Variants in PLEKHM2 observed in about 807,000 individuals in gnomAD.
PLEKHM2 encodes the protein pleckstrin homology domain-containing family M member 2.
A neutral mutation model predicts 116.3 loss-of-function variants in PLEKHM2; 77 were observed. That is an observed-to-expected ratio of 0.66 (90% confidence interval 0.55 to 0.80). The LOEUF (loss-of-function observed/expected upper bound fraction) is 0.80, where lower values mean the gene tolerates loss of function less well. PLEKHM2 is among the 30% of genes least tolerant of loss of function. The pLI, the probability that PLEKHM2 is intolerant of heterozygous loss-of-function variation, is 0.00. For missense variants in PLEKHM2, 1,183 were observed against 1,354.9 expected (o/e 0.87, Z 1.99); for synonymous variants, 562 against 571.0 (o/e 0.98, Z 0.22).
intron 7 of PLEKHM2, among the ~76,000 whole-genome samples, chr1:15,723,612 C>T (rs1313671518): frequency 5.3e-5 from 8 of 151,970 alleles, no homozygotes; most frequent in Admixed American, 6.6e-5. Context: ...TGGTGGTGCA[C>T]GCCTATAGTC....
chr1:15,730,309 A>G (rs955094280), intron 14 of PLEKHM2, among the ~76,000 whole-genome samples: 2 of 152,146 alleles, frequency 1.3e-5, no homozygotes, highest in African/African-American at 4.8e-5. Flanking sequence ...AGGCGTGGTG[A>G]TGGGCGCCTG....
intron 1 of PLEKHM2, among the ~76,000 whole-genome samples, chr1:15,695,487 G>A (rs924506241): frequency 6.6e-6 from 1 of 152,172 alleles, no homozygotes; most frequent in Non-Finnish European, 1.5e-5. Flanking sequence ...TCCTGGGTCA[G>A]TGGCCCATGA....
chr1:15,694,565 A>G (rs1158293975), intron 1 of PLEKHM2, among the ~76,000 whole-genome samples: 2 of 151,990 alleles, frequency 1.3e-5, no homozygotes, highest in East Asian at 3.9e-4. Flanking sequence ...AACATCCTAG[A>G]ACTTCCATTT....
chr1:15,706,392 A>G (rs1470218966), intron 1 of PLEKHM2, among the ~76,000 whole-genome samples: 4 of 151,414 alleles, frequency 2.6e-5, no homozygotes, highest in African/African-American at 9.8e-5. Flanking sequence ...TTGGCTCCTT[A>G]TTTGTTTGTT....
chr1:15,702,606 TG>T (rs1641137309), intron 1 of PLEKHM2, among the ~76,000 whole-genome samples: 1 of 148,400 alleles, frequency 6.7e-6, no homozygotes, highest in Non-Finnish European at 1.5e-5. Context: ...TTAGTAGAGA[TG>T]GGGTTTCATC....
chr1:15,684,164 T>A (rs1437117316), upstream of PLEKHM2: 1 of 133,518 alleles, frequency 7.5e-6, no homozygotes, highest in Non-Finnish European at 1.6e-5. Flanking sequence ...GGAGAGTCTG[T>A]GACTTGAGGA....
Position 15,730,632 on chromosome 1 carries a change from G to A in PLEKHM2, c.2309G>A (p.Gly770Asp). 1 of 1,609,250 alleles carries A rather than the reference G, an allele frequency of 6.2e-7. No individual in the cohort carries two copies. Among genetic ancestry groups the A allele is most frequent in the South Asian group, 1.1e-5 (1 of 89,960 alleles). Residue 770 changes from glycine to aspartate, a missense_variant, in exon 15 of 20, where the codon GGC (glycine) becomes GAC (aspartate). This residue lies in a region of PLEKHM2 where 594 missense variants were observed against 720.1 expected (regional missense o/e 0.82). Transcript: ENST00000375799. ...CCCTGCCACTGCTCACCCCCCGAGGGCACCATCACCAAAGAAGGCATGCTG... is the reference window on the plus strand; with the variant it reads ...CCCTGCCACTGCTCACCCCCCGAGGACACCATCACCAAAGAAGGCATGCTG... Reference protein sequence around the residue: ...PTPCHCSPPEGTITKEGMLHY... With the variant: ...PTPCHCSPPEDTITKEGMLHY...
rs764035629 is a variant in PLEKHM2, at chr1:15,728,131, G to A, written c.1813G>A (p.Glu605Lys). 1.9e-6 allele frequency: 3 copies of A among 1,611,218 alleles called. No individual in the cohort carries two copies. Among genetic ancestry groups the A allele is most frequent in the Admixed American group, 3.4e-5 (2 of 59,584 alleles). ...LLMIHVFREN[E>K]EQLFKMIRMS... Reference sequence around the variant, plus strand: ...CATGATCCACGTGTTCCGAGAAAACGAAGAGCAGCTGTTCAAAGTAAGTCC... The same window carrying A: ...CATGATCCACGTGTTCCGAGAAAACAAAGAGCAGCTGTTCAAAGTAAGTCC... The change falls in exon 10 of 20, where the codon GAA (glutamate) becomes AAA (lysine). Residue 605 changes from glutamate (E) to lysine (K), a missense_variant. Transcript: ENST00000375799. This position sits in a 1 kb window ranked among gnomAD's most constrained non-coding sequence, Gnocchi z 5.9.
At chr1:15,693,466 C>G (rs564583679) in intron 1 of PLEKHM2, among the ~76,000 whole-genome samples, 1 of 152,230 alleles carries the variant, frequency 6.6e-6, no homozygotes, top group African/African-American at 2.4e-5. Context: ...AACCTGGGCT[C>G]GCTCTCTCCA....
chr1:15,707,358 G>A (rs72879500), intron 1 of PLEKHM2, among the ~76,000 whole-genome samples: 14,575 of 151,998 alleles, frequency 0.096, 943 homozygotes, highest in African/African-American at 0.18. Flanking sequence ...ACCTGAGCCC[G>A]GTAGGTTGAG....
chr1:15,687,004 T>C (rs1571013716), intron 1 of PLEKHM2, among the ~76,000 whole-genome samples: 1 of 151,968 alleles, frequency 6.6e-6, no homozygotes, highest in Non-Finnish European at 1.5e-5. Context: ...GCCAGGCTGG[T>C]CTTGAACTCC....
At chr1:15,716,627 G>A (rs946179859) in intron 2 of PLEKHM2, 80 bp from the exon 3 acceptor site, 15 of 1,427,812 alleles carry the variant, frequency 1.1e-5, no homozygotes, top group Admixed American at 7.9e-5. Context: ...CCTGCCTTGC[G>A]CTCACTGCTG....
At chr1:15,682,643 C>CA (rs1420159690), upstream of PLEKHM2, among the ~76,000 whole-genome samples, 6 of 97,476 alleles carry the variant, frequency 6.2e-5, no homozygotes, top group East Asian at 6.0e-4. Flanking sequence ...CAAAACAAAA[C>CA]AAAAAAAACA....
chr1:15,685,557 A>AAAAAAAAAAAAAAAAAAG (rs1553157089), intron 1 of PLEKHM2, among the ~76,000 whole-genome samples: 2 of 147,952 alleles, frequency 1.4e-5, no homozygotes, highest in African/African-American at 5.2e-5. Flanking sequence ...AAAAAAAAAA[A>AAAAAAAAAAAAAAAAAAG]AAAGAAAGAA....
intron 1 of PLEKHM2, among the ~76,000 whole-genome samples, chr1:15,687,901 G>A (rs544670636): frequency 3.3e-5 from 5 of 152,260 alleles, no homozygotes; most frequent in East Asian, 1.9e-4. Flanking sequence ...AGGATTTTAC[G>A]TGAAGAAAAT....
chr1:15,700,744 T>C (rs1434104515), intron 1 of PLEKHM2, among the ~76,000 whole-genome samples: 1 of 152,170 alleles, frequency 6.6e-6, no homozygotes, highest in Non-Finnish European at 1.5e-5. Context: ...CACCCAGCCT[T>C]GTCTTAGATC....
chr1:15,728,698 G>A lies in PLEKHM2; in HGVS notation c.1951G>A (p.Glu651Lys), dbSNP rs1473277513. ...CACAGAGAAGCCATACCTGGTGGAA[G>A]AGGCCGTTTCTTACAATGAACTTGA... ...GATEKPYLVE[E>K]AVSYNELDYV... The change falls in exon 12 of 20, where the codon GAG becomes AAG. Residue 651 changes from glutamate (E) to lysine (K), a missense_variant. By Grantham distance (56) the Glu-to-Lys change is moderately conservative. Coordinates refer to ENST00000375799, the MANE Select transcript of PLEKHM2 (RefSeq NM_015164.4). The surrounding 1 kb of genome is among the most constrained non-coding windows in gnomAD (Gnocchi z 5.9). 2 of 1,611,764 alleles carry A rather than the reference G, an allele frequency of 1.2e-6. No homozygotes were observed. The highest frequency in any genetic ancestry group is 4.5e-5 in the East Asian group (2 of 44,844).
rs2068071567 is a variant in PLEKHM2 at position 15,727,035 on chromosome 1, T to C, written c.963T>C (p.Ile321=). ...CCAGGGTCACCAAGAAGAAGAAAAT[T>C]GGCAAGAAGAAAAAGAGCAGATCAG... ...EVIRVTKKKK[I]GKKKKSRSDE... Residue 321 remains isoleucine (I), a synonymous_variant, in exon 9 of 20, where the codon ATT becomes ATC. Transcript: ENST00000375799. The surrounding 1 kb of genome is among the most constrained non-coding windows in gnomAD (Gnocchi z 7.5). The C allele has an allele frequency of 6.8e-7, 1 of 1,477,528 alleles. No individual in the cohort carries two copies. The highest frequency in any genetic ancestry group is 9.0e-7 in the Non-Finnish European group (1 of 1,114,296). The allele number at this position is 1,477,528 out of a possible 1,614,324, so 91.5% of individuals were successfully genotyped here.
At chr1:15,689,509 T>C (rs1041858422) in intron 1 of PLEKHM2, among the ~76,000 whole-genome samples, 1 of 152,158 alleles carries the variant, frequency 6.6e-6, no homozygotes, top group Admixed American at 6.5e-5. Context: ...GTATGCAGAC[T>C]TGGGTCTGGG....
Sources: gnomAD v4.1 joint callset for allele counts (sites outside exome capture counted in the v4.1 genomes callset) on GRCh38, gnomAD v4.1.1 for gene constraint, gnomAD v4.1.1 regional missense constraint, Gnocchi (gnomAD v3.1) non-coding constraint, MANE v1.5 for transcripts, NCBI Gene and HGNC (gene_info 2026-07-23, HGNC 2026-07-21) for gene names.